ZSCAN25: variants seen among roughly 807,000 people sequenced by gnomAD.
ZSCAN25 encodes zinc finger and SCAN domain-containing protein 25.
Under a neutral mutation model 38.7 loss-of-function variants are expected in ZSCAN25, and 27 were observed. The observed-to-expected ratio is 0.70, with a 90% confidence interval of 0.51 to 0.96. The LOEUF is 0.96. Among genes scored for constraint, ZSCAN25 ranks in the 40% least tolerant of loss-of-function variants. The probability of loss-of-function intolerance (pLI) is 0.00; values close to 1 mark genes in which losing one functional copy is unlikely to be tolerated. For missense variants in ZSCAN25, 637 were observed against 705.9 expected, an observed-to-expected ratio of 0.90 and a Z score of 1.11; for synonymous variants, 273 against 277.7, an observed-to-expected ratio of 0.98 and a Z score of 0.17.
At chr7:99,692,991 T>C in the ZSCAN25 span, among the ~76,000 whole-genome samples, 1 of 152,222 alleles carries the variant, frequency 6.6e-6, no homozygotes, top group South Asian at 2.1e-4. Context: ...TTTTTTGGAA[T>C]TTTCAGCTGT....
chr7:99,716,609 G>A, the ZSCAN25 span, among the ~76,000 whole-genome samples: 1 of 152,168 alleles, frequency 6.6e-6, no homozygotes, highest in Non-Finnish European at 1.5e-5. Flanking sequence ...GATTACACCT[G>A]TTGTTCCTGC....
At chr7:99,641,034 G>A in the ZSCAN25 span, among the ~76,000 whole-genome samples, 1 of 152,306 alleles carries the variant, frequency 6.6e-6, no homozygotes, top group South Asian at 2.1e-4. Flanking sequence ...TAGTCAAAAA[G>A]TGCAGTCTCT....
chr7:99,718,644 A>G, the ZSCAN25 span, among the ~76,000 whole-genome samples: 1 of 152,204 alleles, frequency 6.6e-6, no homozygotes. Flanking sequence ...CAAAAATTCA[A>G]CACATTTATT....
intron 3 of ZSCAN25, 55 bp downstream of exon 3, chr7:99,619,187 T>G (rs541387014): frequency 1.3e-5 from 2 of 156,396 alleles, no homozygotes; most frequent in African/African-American, 4.8e-5. Flanking sequence ...TGCCTGCCTC[T>G]TGTGTGTGTA....
the ZSCAN25 span, chr7:99,652,188 CA>C: frequency 6.7e-6 from 1 of 148,228 alleles, no homozygotes; most frequent in African/African-American, 2.5e-5. Context: ...TATATATATA[CA>C]TATATATGTA....
chr7:99,690,016 A>C, the ZSCAN25 span, among the ~76,000 whole-genome samples: 1 of 152,242 alleles, frequency 6.6e-6, no homozygotes, highest in African/African-American at 2.4e-5. Flanking sequence ...AAAAGAACAA[A>C]GCCGCAGGCA....
the ZSCAN25 span, among the ~76,000 whole-genome samples, chr7:99,681,245 G>GCCA: frequency 3.5e-4 from 53 of 152,306 alleles, no homozygotes; most frequent in Non-Finnish European, 6.2e-4. Flanking sequence ...TGGCATTTGT[G>GCCA]AATAGTGGCT....
At chr7:99,680,383 C>A in the ZSCAN25 span, among the ~76,000 whole-genome samples, 1 of 152,140 alleles carries the variant, frequency 6.6e-6, no homozygotes, top group Admixed American at 6.5e-5. Context: ...GCCAGACAGA[C>A]CCCTTCTGCT....
chr7:99,707,480 C>T, the ZSCAN25 span, among the ~76,000 whole-genome samples: 1 of 152,194 alleles, frequency 6.6e-6, no homozygotes, highest in East Asian at 1.9e-4. Flanking sequence ...AAAGTCAAAA[C>T]AAGATAATAA....
At chr7:99,672,982 G>C in the ZSCAN25 span, 1 of 915,666 alleles carries the variant, frequency 1.1e-6, no homozygotes, top group Non-Finnish European at 1.4e-6. Context: ...TCGTTAAGCT[G>C]GGTGGTACAT....
rs1807915772 is a variant in ZSCAN25 at position 99,630,519 on chromosome 7, C to T, written c.*499C>T. 1.0e-6 allele frequency: 1 copy of T among 991,946 alleles called. No individual in the cohort carries two copies. The highest frequency in any genetic ancestry group is 1.7e-5 in the African/African-American group (1 of 57,402). The allele number at this position is 991,946 out of a possible 1,614,324, so 61.4% of individuals were successfully genotyped here. A position where few individuals can be genotyped will look rare whatever the true frequency, so the allele number is the denominator to read the frequency against. On this transcript the variant is annotated 3_prime_UTR_variant, in exon 8 of 8. Coordinates refer to ENST00000394152, the MANE Select transcript of ZSCAN25 (RefSeq NM_145115.3). Reference sequence around the variant, plus strand: ...GAATGAGAGACTAGACGTGATGCCTCTGGGGGTTGTGCGTTGGGGATGCAT... The same window carrying T: ...GAATGAGAGACTAGACGTGATGCCTTTGGGGGTTGTGCGTTGGGGATGCAT...
chr7:99,674,362 G>A, the ZSCAN25 span: 1 of 497,744 alleles, frequency 2.0e-6, no homozygotes, highest in Non-Finnish European at 3.6e-6. Flanking sequence ...GATTCCCATT[G>A]CAATATTCTA....
At chr7:99,666,307 C>T in the ZSCAN25 span, among the ~76,000 whole-genome samples, 1 of 152,168 alleles carries the variant, frequency 6.6e-6, no homozygotes, top group South Asian at 2.1e-4. Flanking sequence ...AACTTTGATA[C>T]AATCATGTTT....
At chr7:99,718,843 T>A in the ZSCAN25 span, among the ~76,000 whole-genome samples, 3 of 152,230 alleles carry the variant, frequency 2.0e-5, no homozygotes, top group African/African-American at 7.2e-5. Context: ...AAGCCAAGCA[T>A]GTTTCTATGT....
chr7:99,659,882 G>A, the ZSCAN25 span: 1 of 150,004 alleles, frequency 6.7e-6, no homozygotes, highest in Non-Finnish European at 1.5e-5. Context: ...GCCATGCGCG[G>A]GATATAATCT....
the ZSCAN25 span, among the ~76,000 whole-genome samples, chr7:99,725,717 C>T: frequency 1.5e-3 from 236 of 152,356 alleles, 4 homozygotes; most frequent in African/African-American, 5.4e-3. Context: ...CTTCCCAGAT[C>T]TCCTTGGCTT....
chr7:99,632,362 T>A lies in ZSCAN25; in HGVS notation c.*2342T>A. 1.7e-6 allele frequency: 1 copy of A among 592,508 alleles called. No homozygotes were observed. Among genetic ancestry groups the A allele is most frequent in the Non-Finnish European group, 2.1e-6 (1 of 471,342 alleles). The allele number at this position is 592,508 out of a possible 1,614,324, so 36.7% of individuals were successfully genotyped here. ...ATTTCAAACCTATATAAATAAATCCTTATGTATTTATCATTTGACTTTATT... is the reference window on the plus strand; with the variant it reads ...ATTTCAAACCTATATAAATAAATCCATATGTATTTATCATTTGACTTTATT... On this transcript the variant is annotated 3_prime_UTR_variant, in exon 8 of 8. Transcript: ENST00000394152.
At chr7:99,718,567 C>T in the ZSCAN25 span, among the ~76,000 whole-genome samples, 1 of 151,966 alleles carries the variant, frequency 6.6e-6, no homozygotes. Context: ...ACAAAAAAAC[C>T]CACTTCATCT....
In ZSCAN25 at chr7:99,622,593, C is replaced by T; in HGVS notation, c.634C>T (p.Pro212Ser). 1.2e-6 allele frequency: 2 copies of T among 1,614,154 alleles called. No homozygotes were observed. The highest frequency in any genetic ancestry group is 2.2e-5 in the South Asian group (2 of 91,078). Residue 212 changes from proline (P) to serine (S), a missense_variant, in exon 6 of 8, where the codon CCC (proline) becomes TCC (serine). Coordinates refer to ENST00000394152, the MANE Select transcript of ZSCAN25 (RefSeq NM_145115.3). ...GGGTCCTGGCCTCCCCGCAGTGAAT[C>T]CCAGAGACCAAGAGATGGCAGCTGG... The part of the protein sequence containing the change: ...QAGPGLPAVN[P>S]RDQEMAAGFF...
Sources: allele counts gnomAD v4.1 joint callset (sites outside exome capture counted in the v4.1 genomes callset), GRCh38; gene constraint gnomAD v4.1.1; transcripts MANE v1.5; gene names NCBI Gene and HGNC (gene_info 2026-07-23, HGNC 2026-07-21).